FOXO3: variants seen among roughly 807,000 people sequenced by gnomAD.
The protein encoded by FOXO3 is forkhead box O3.
A neutral mutation model predicts 41.9 loss-of-function variants in FOXO3; 4 were observed. The observed-to-expected ratio is 0.10, with a 90% CI of 0.05 to 0.22. The LOEUF (loss-of-function observed/expected upper bound fraction) is 0.22. Ranked by LOEUF, FOXO3 falls within the 10% of genes least tolerant of loss-of-function variation. FOXO3 has a pLI of 1.00. For synonymous variants in FOXO3, 318 were observed against 389.3 expected (o/e 0.82, Z 2.16); for missense variants, 534 against 906.8 (o/e 0.59, Z 5.28).
At chr6:108,677,406 A>C (rs555401523) in intron 2 of FOXO3, among the ~76,000 whole-genome samples, 35 of 152,270 alleles carry the variant, frequency 2.3e-4, no homozygotes, top group African/African-American at 8.4e-4. Flanking sequence ...TTAGGGGCTC[A>C]TGGGTGTCCT....
chr6:108,638,673 A>C (rs1016359854), intron 1 of FOXO3, among the ~76,000 whole-genome samples: 2 of 152,182 alleles, frequency 1.3e-5, no homozygotes, highest in Non-Finnish European at 2.9e-5. Context: ...CCTGGAGGAC[A>C]ACAGACGACT....
chr6:108,586,950 ATTATTATTATTATT>A (rs1340689632), intron 1 of FOXO3, among the ~76,000 whole-genome samples: 1 of 137,082 alleles, frequency 7.3e-6, no homozygotes, highest in Non-Finnish European at 1.5e-5. Flanking sequence ...TATTATTATT[ATTATTATTATTATT>A]ATTATTATTA....
Position 108,642,571 on chromosome 6 carries a change from G to A in FOXO3, c.622-20884G>A, listed in dbSNP as rs577826533. Among the ~76,000 whole-genome samples the A allele has an allele frequency of 8.5e-5, 13 of 152,202 alleles. No homozygotes were observed. In the East Asian group the frequency reaches 1.2e-3, roughly 14 times the overall value. ...GGTTGTAGTTTAGAAGGTCAATTAC[G>A]TATGTTTTTTCTGCTTCTCCACACT... On this transcript the variant is annotated intron_variant, in intron 1 of 2. Coordinates refer to ENST00000406360, the MANE Select transcript of FOXO3 (RefSeq NM_001455.4).
chr6:108,569,940 G>A (rs894538419), intron 1 of FOXO3, among the ~76,000 whole-genome samples: 6 of 151,012 alleles, frequency 4.0e-5, no homozygotes, highest in African/African-American at 1.2e-4. Flanking sequence ...AAACCATTAG[G>A]GGGTGGGGTG....
chr6:108,642,586 T>C (rs1778289437), intron 1 of FOXO3, among the ~76,000 whole-genome samples: 1 of 152,202 alleles, frequency 6.6e-6, no homozygotes, highest in African/African-American at 2.4e-5. Flanking sequence ...TTTTTTCTGC[T>C]TCTCCACACT....
chr6:108,668,293 G>A (rs955138903), intron 2 of FOXO3, among the ~76,000 whole-genome samples: 2 of 152,188 alleles, frequency 1.3e-5, no homozygotes, highest in Non-Finnish European at 2.9e-5. Context: ...TGTTTCACAC[G>A]TCATTCATTT....
chr6:108,604,349 C>G (rs1461651528), intron 1 of FOXO3, among the ~76,000 whole-genome samples: 1 of 152,124 alleles, frequency 6.6e-6, no homozygotes, highest in Non-Finnish European at 1.5e-5. Flanking sequence ...TTCCTTTGCC[C>G]TCTTCAGTGG....
Position 108,561,724 on chromosome 6 carries a change from C to T in FOXO3, c.516C>T (p.Ser172=), listed in dbSNP as rs536376745. The change falls in exon 1 of 3, where the codon AGC becomes AGT. Residue 172 remains serine, a synonymous_variant. Transcript: ENST00000406360. ...YADLITRAIE[S]SPDKRLTLSQ... ...ACCTGATCACCCGCGCCATCGAGAG[C>T]TCCCCGGACAAACGGCTCACTCTGT... 1.2e-6 allele frequency: 2 copies of T among 1,611,188 alleles called. No homozygotes were observed. Among genetic ancestry groups the T allele is most frequent in the Admixed American group, 1.7e-5 (1 of 59,842 alleles).
At chr6:108,645,106 A>G (rs1778360702) in intron 1 of FOXO3, among the ~76,000 whole-genome samples, 1 of 152,202 alleles carries the variant, frequency 6.6e-6, no homozygotes, top group Non-Finnish European at 1.5e-5. Context: ...GTTAATAAAA[A>G]TAACTTTTAT....
intron 1 of FOXO3, among the ~76,000 whole-genome samples, chr6:108,653,879 C>T (rs1778613188): frequency 6.6e-6 from 1 of 152,162 alleles, no homozygotes; most frequent in African/African-American, 2.4e-5. Context: ...TTGAGGCAAC[C>T]ATTTTGTGTG....
At chr6:108,633,214 C>CAT (rs1452763874) in intron 1 of FOXO3, among the ~76,000 whole-genome samples, 1 of 152,082 alleles carries the variant, frequency 6.6e-6, no homozygotes, top group African/African-American at 2.4e-5. Flanking sequence ...TGTTTATTCT[C>CAT]ATTTATAAAT....
intron 1 of FOXO3, chr6:108,618,125 A>C (rs1777567522): frequency 1.2e-6 from 1 of 845,146 alleles, no homozygotes; most frequent in Admixed American, 1.7e-5. Flanking sequence ...GATCTGCCTC[A>C]TGGACAATCC....
intron 1 of FOXO3, among the ~76,000 whole-genome samples, chr6:108,650,838 T>G (rs1174284004): frequency 6.6e-6 from 1 of 152,236 alleles, no homozygotes; most frequent in Non-Finnish European, 1.5e-5. Flanking sequence ...TCTTTTTTTG[T>G]GAACTTTTGA....
chr6:108,634,882 TA>T (rs1217005332), intron 1 of FOXO3, among the ~76,000 whole-genome samples: 1 of 152,080 alleles, frequency 6.6e-6, no homozygotes, highest in East Asian at 1.9e-4. Context: ...ATATAAAGTT[TA>T]AAAATATGCG....
intron 1 of FOXO3, among the ~76,000 whole-genome samples, chr6:108,640,712 A>G (rs142753490): frequency 1.4e-4 from 22 of 152,206 alleles, no homozygotes; most frequent in African/African-American, 5.1e-4. Flanking sequence ...GATTAATCAT[A>G]CAGCTTATTA....
chr6:108,645,538 C>T (rs1778373018), intron 1 of FOXO3, among the ~76,000 whole-genome samples: 2 of 151,308 alleles, frequency 1.3e-5, no homozygotes. Flanking sequence ...AGCCTCTTAG[C>T]TATAAATGTA....
intron 1 of FOXO3, among the ~76,000 whole-genome samples, chr6:108,608,380 T>C (rs1777267713): frequency 1.3e-5 from 2 of 152,220 alleles, no homozygotes; most frequent in Non-Finnish European, 1.5e-5. Context: ...CCAAAGAGGC[T>C]AATTTCTAAC....
rs768572858 is a variant in FOXO3, at chr6:108,664,119, C to T, written c.1286C>T (p.Ser429Phe). 1.2e-6 allele frequency: 2 copies of T among 1,614,158 alleles called. No individual in the cohort carries two copies. The highest frequency in any genetic ancestry group is 2.2e-5 in the East Asian group (1 of 44,870). ...KGSGLGSPTS[S>F]FNSTVFGPSS... ...TCGGGCCTGGGCTCCCCAACCAGCT[C>T]CTTTAACAGCACGGTGTTCGGACCT... The change falls in exon 2 of 3, where the codon TCC becomes TTC. Residue 429 changes from serine to phenylalanine, a missense_variant. Coordinates refer to ENST00000406360, the MANE Select transcript of FOXO3 (RefSeq NM_001455.4).
chr6:108,605,338 C>T (rs765785374), intron 1 of FOXO3, among the ~76,000 whole-genome samples: 5 of 152,136 alleles, frequency 3.3e-5, no homozygotes, highest in Admixed American at 6.5e-5. Context: ...AGGCTGGTCT[C>T]GAACTCCTGA....
Sources: gnomAD v4.1 joint callset for allele counts (sites outside exome capture counted in the v4.1 genomes callset) on GRCh38, gnomAD v4.1.1 for gene constraint, MANE v1.5 for transcripts, NCBI Gene and HGNC (gene_info 2026-07-23, HGNC 2026-07-21) for gene names.